HSPH1: variants seen among roughly 807,000 people sequenced by gnomAD.
HSPH1 encodes the protein heat shock protein 105 kDa.
HSPH1 carries 40 observed loss-of-function variants against 100.0 expected under a neutral mutation model. That is an observed-to-expected ratio of 0.40 (90% CI 0.31 to 0.52). The LOEUF (loss-of-function observed/expected upper bound fraction) is 0.52, where lower values mean the gene tolerates loss of function less well. Ranked by LOEUF, HSPH1 falls within the 20% of genes least tolerant of loss-of-function variation. HSPH1 has a pLI of 0.54. For synonymous variants in HSPH1, 403 were observed against 344.0 expected (o/e 1.17, Z -1.90); for missense variants, 876 against 1,015.1 (o/e 0.86, Z 1.86).
rs1248872991 is a variant in HSPH1, at chr13:31,145,748, C to T, written c.1399G>A (p.Val467Ile). 2 of 1,613,404 alleles carry T rather than the reference C, an allele frequency of 1.2e-6. No individual in the cohort carries two copies. The highest frequency in any genetic ancestry group is 1.7e-6 in the Non-Finnish European group (2 of 1,179,578). Reference sequence around the variant, plus strand: ...TTTTCTCCATCTTTCTGTGCAGAAACATTCTGAACTACAAAGCGGCCTAGA... The same window carrying T: ...TTTTCTCCATCTTTCTGTGCAGAAATATTCTGAACTACAAAGCGGCCTAGA... ...AKIGRFVVQN[V>I]SAQKDGEKSR... The change falls in exon 11 of 18, where the codon GTT becomes ATT. Residue 467 changes from valine (V) to isoleucine (I), a missense_variant. Transcript: ENST00000320027.
At position 31,161,823 on chromosome 13, in the gene HSPH1, C is replaced by A; in HGVS notation, c.-241G>T. The A allele has an allele frequency of 1.4e-6, 2 of 1,478,204 alleles. No homozygotes were observed. The highest frequency in any genetic ancestry group is 1.8e-6 in the Non-Finnish European group (2 of 1,115,732). 91.6% of individuals were successfully genotyped at this position (1,478,204 alleles called of 1,614,324 possible). The stretch of plus-strand genomic sequence containing the variant: ...CCTGGGAGAAAGCGGGGCTCAGCCT[C>A]CGCAGGTCGCTCCGCACCTCGGGTT... On this transcript the variant is annotated 5_prime_UTR_variant, in exon 1 of 18. Transcript: ENST00000320027.
chr13:31,140,867 G>T, intron 13 of HSPH1: 1 of 309,744 alleles, frequency 3.2e-6, no homozygotes, highest in African/African-American at 2.2e-5. Context: ...CAACTGTACT[G>T]TGCTCTGTTA....
At chr13:31,160,209 T>C (rs1956846645) in intron 1 of HSPH1, among the ~76,000 whole-genome samples, 2 of 152,190 alleles carry the variant, frequency 1.3e-5, no homozygotes, top group Admixed American at 1.3e-4. Context: ...AAACTGTATC[T>C]AGGCATGAAA....
chr13:31,161,191 A>G (rs1566021005), intron 1 of HSPH1, among the ~76,000 whole-genome samples: 1 of 152,024 alleles, frequency 6.6e-6, no homozygotes, highest in Non-Finnish European at 1.5e-5. Context: ...AGGTTTTGAA[A>G]ACCCCCAATA....
intron 3 of HSPH1, among the ~76,000 whole-genome samples, chr13:31,155,119 A>G (rs113951589): frequency 2.0e-5 from 3 of 152,166 alleles, no homozygotes; most frequent in Non-Finnish European, 4.4e-5. Context: ...TGTGTTGATC[A>G]CAAGACAGGA....
chr13:31,161,736 G>C lies in HSPH1; in HGVS notation c.-154C>G, dbSNP rs1956925420. On this transcript the variant is annotated 5_prime_UTR_variant, in exon 1 of 18. Transcript: ENST00000320027. ...TGACACTCAGAAGGACACACAGACA[G>C]CCGCGGCCTGTCAGGAGCCTCCTAC... 1.3e-6 allele frequency: 2 copies of C among 1,532,498 alleles called. No individual in the cohort carries two copies. The highest frequency in any genetic ancestry group is 1.7e-6 in the Non-Finnish European group (2 of 1,144,886). The allele number at this position is 1,532,498 out of a possible 1,614,324, so 94.9% of individuals were successfully genotyped here.
chr13:31,138,501 A>G lies in HSPH1; in HGVS notation c.2276T>C (p.Met759Thr). The change falls in exon 17 of 18, where the codon ATG (methionine) becomes ACG (threonine). Residue 759 changes from methionine to threonine, a missense_variant. Physicochemically the swap from Met to Thr is moderately conservative, Grantham distance 81 (BLOSUM62 -1). Transcript: ENST00000320027. ...ATTCATGACATTATTCATCCATTCC[A>G]TCACTTCATTAACAGACTTCTCCAC... Reference protein sequence around the residue: ...KKVEKSVNEVMEWMNNVMNAQ... With the variant: ...KKVEKSVNEVTEWMNNVMNAQ... The G allele has an allele frequency of 1.2e-6, 2 of 1,613,048 alleles. No homozygotes were observed. Among genetic ancestry groups the G allele is most frequent in the Non-Finnish European group, 1.7e-6 (2 of 1,179,180 alleles).
upstream of HSPH1, chr13:31,161,946 G>T (rs755633654): frequency 1.3e-6 from 2 of 1,535,798 alleles, no homozygotes; most frequent in Middle Eastern, 1.7e-4. Flanking sequence ...GTATCGCACT[G>T]ATCAGAACTT....
intron 10 of HSPH1, among the ~76,000 whole-genome samples, chr13:31,147,004 C>G (rs553643115): frequency 6.6e-6 from 1 of 152,216 alleles, no homozygotes; most frequent in African/African-American, 2.4e-5. Flanking sequence ...ATCAGTAGTT[C>G]AGGAAATATT....
chr13:31,140,978 T>TA, intron 13 of HSPH1, 144 bp downstream of exon 13: 3 of 492,814 alleles, frequency 6.1e-6, no homozygotes, highest in Middle Eastern at 5.6e-4. Context: ...CAAAATTCGT[T>TA]AGTTTTGTCT....
intron 11 of HSPH1, 78 bp downstream of exon 11, chr13:31,145,485 C>T: frequency 9.6e-7 from 1 of 1,043,252 alleles, no homozygotes; most frequent in Non-Finnish European, 1.4e-6. Context: ...TTCATTTTAA[C>T]CCTTCCCTAC....
chr13:31,153,559 C>A (rs755365404), intron 4 of HSPH1, among the ~76,000 whole-genome samples: 3 of 152,186 alleles, frequency 2.0e-5, no homozygotes, highest in Non-Finnish European at 2.9e-5. Flanking sequence ...CTGACTTGAG[C>A]TATTCTAGTT....
chr13:31,150,249 A>G, intron 7 of HSPH1, 67 bp from the exon 8 acceptor site: 1 of 1,124,812 alleles, frequency 8.9e-7, no homozygotes, highest in Non-Finnish European at 1.3e-6. Context: ...TTGACAACCC[A>G]ATGAATTTCA....
At chr13:31,141,281 AG>A (rs1454703751) in intron 12 of HSPH1, 22 bp from the exon 13 acceptor site, 1 of 1,567,208 alleles carries the variant, frequency 6.4e-7, no homozygotes, top group African/African-American at 1.4e-5. Flanking sequence ...GAATAAAAAA[AG>A]GAAAAAATTT....
rs1239792679 is a variant in HSPH1 at position 31,137,014 on chromosome 13, TAC to T, written c.*302_*303del. On this transcript the variant is annotated 3_prime_UTR_variant, in exon 18 of 18. Coordinates refer to ENST00000320027, the MANE Select transcript of HSPH1 (RefSeq NM_006644.4). ...AATCACAGCCCTCTTGAACAAGCAGTACAGTTTTTTTTCTCCAAAAGACAAAA... is the reference window on the plus strand; with the variant it reads ...AATCACAGCCCTCTTGAACAAGCAGTAGTTTTTTTTCTCCAAAAGACAAAA... The T allele has an allele frequency of 8.3e-6, 4 of 484,254 alleles. No individual in the cohort carries two copies. Among genetic ancestry groups the T allele is most frequent in the Admixed American group, 3.2e-5 (1 of 31,346 alleles). 30.0% of individuals were successfully genotyped at this position (484,254 alleles called of 1,614,324 possible).
chr13:31,148,310 G>A (rs978847501), intron 9 of HSPH1, 64 bp downstream of exon 9: 3 of 1,101,632 alleles, frequency 2.7e-6, no homozygotes, highest in Admixed American at 2.1e-5. Flanking sequence ...CTCTACTAGA[G>A]AAGTCATTTG....
chr13:31,150,877 T>C (rs1956462399), intron 7 of HSPH1, 70 bp downstream of exon 7: 9 of 1,476,634 alleles, frequency 6.1e-6, no homozygotes, highest in Non-Finnish European at 7.3e-6. Context: ...CAACACCCAC[T>C]AGAACTGACA....
intron 9 of HSPH1, 55 bp from the exon 10 acceptor site, chr13:31,148,147 T>G (rs1593194898): frequency 6.6e-7 from 1 of 1,519,284 alleles, no homozygotes; most frequent in Non-Finnish European, 8.9e-7. Context: ...ATATGCTTAC[T>G]GTGCTACACA....
Position 31,145,581 on chromosome 13 carries a change from T to C in HSPH1, c.1566A>G (p.Pro522=), listed in dbSNP as rs748499696. ...ADMECLNQRP[P]ENPDTDKNVQ... ...AACTTACATCAGTGTCTGGGTTTTC[T>C]GGTGGTCTCTGATTCAGACACTCCA... The change falls in exon 11 of 18, where the codon CCA becomes CCG. Residue 522 remains proline (P), a synonymous_variant. Coordinates refer to ENST00000320027, the MANE Select transcript of HSPH1 (RefSeq NM_006644.4). 6.2e-6 allele frequency: 10 copies of C among 1,613,354 alleles called. No individual in the cohort carries two copies. The highest frequency in any genetic ancestry group is 8.5e-6 in the Non-Finnish European group (10 of 1,179,604).
Sources: allele counts gnomAD v4.1 joint callset (sites outside exome capture counted in the v4.1 genomes callset), GRCh38; gene constraint gnomAD v4.1.1; transcripts MANE v1.5; gene names NCBI Gene and HGNC (gene_info 2026-07-23, HGNC 2026-07-21).